ANKRD30A: variants seen among roughly 807,000 people sequenced by gnomAD.
The protein encoded by ANKRD30A is ankyrin repeat domain-containing protein 30A.
In ANKRD30A, 170 loss-of-function variants were observed where a neutral mutation model predicts 166.3. The ratio of observed to expected loss-of-function variants is 1.02; its 90% confidence interval spans 0.90 to 1.16. The LOEUF is 1.16. ANKRD30A is among the 50% of genes most tolerant of loss of function. The pLI is 0.00. For synonymous variants in ANKRD30A, 564 were observed against 508.9 expected, an observed-to-expected ratio of 1.11 and a Z score of -1.46; for missense variants, 1,630 against 1,518.0, an observed-to-expected ratio of 1.07 and a Z score of -1.23.
rs1478056468 is a variant in ANKRD30A at position 37,125,907 on chromosome 10, A to G, written c.120A>G (p.Arg40=). Residue 40 remains arginine, a synonymous_variant, in exon 1 of 36, where the codon AGA becomes AGG. Transcript: ENST00000361713. ...ACATCGTCCACTCTGGGGATCTTAG[A>G]AAGATCCATAAAGCTGCCTCCCGGG... is the stretch of plus-strand genomic sequence containing the variant. The part of the protein sequence containing the change: ...DSYIVHSGDL[R]KIHKAASRGQ... The G allele has an allele frequency of 1.9e-6, 3 of 1,587,050 alleles. No individual in the cohort carries two copies. The highest frequency in any genetic ancestry group is 2.6e-6 in the Non-Finnish European group (3 of 1,157,396).
chr10:37,211,835 G>A (rs1222020409), intron 31 of ANKRD30A, among the ~76,000 whole-genome samples: 1 of 152,176 alleles, frequency 6.6e-6, no homozygotes, highest in East Asian at 1.9e-4. Flanking sequence ...TCTAACTGGT[G>A]TGAGATGGTA....
intron 30 of ANKRD30A, among the ~76,000 whole-genome samples, chr10:37,200,587 G>T (rs80093422): frequency 0.044 from 6,619 of 152,074 alleles, 198 homozygotes; most frequent in Non-Finnish European, 0.07. Context: ...TGGACAAAAA[G>T]ACTTTAATAC....
intron 34 of ANKRD30A, among the ~76,000 whole-genome samples, chr10:37,223,332 A>AC (rs1191590592): frequency 4.0e-5 from 6 of 150,926 alleles, no homozygotes; most frequent in Admixed American, 6.6e-5. Context: ...AGAAAAAAAA[A>AC]CTATAAAAGA....
At chr10:37,142,797 C>T (rs1406238898) in intron 7 of ANKRD30A, among the ~76,000 whole-genome samples, 1 of 151,848 alleles carries the variant, frequency 6.6e-6, no homozygotes, top group African/African-American at 2.4e-5. Context: ...ACTATATTGA[C>T]CAGACTCAAA....
intron 31 of ANKRD30A, among the ~76,000 whole-genome samples, chr10:37,208,884 G>A (rs985746282): frequency 3.9e-5 from 6 of 152,224 alleles, no homozygotes; most frequent in Non-Finnish European, 5.9e-5. Flanking sequence ...ATCAGCACAC[G>A]ACTTTATTCC....
intron 32 of ANKRD30A, 81 bp from the exon 33 acceptor site, chr10:37,217,614 C>A: frequency 2.6e-6 from 3 of 1,173,410 alleles, no homozygotes; most frequent in Non-Finnish European, 2.3e-6. Flanking sequence ...GACTAATAAC[C>A]CAATATAGGA....
intron 34 of ANKRD30A, among the ~76,000 whole-genome samples, chr10:37,221,800 C>T (rs2132750016): frequency 6.6e-6 from 1 of 151,284 alleles, no homozygotes; most frequent in South Asian, 2.1e-4. Flanking sequence ...CGAGGCAAGC[C>T]ATATTTAATC....
chr10:37,225,326 C>T (rs1010176589), intron 34 of ANKRD30A, among the ~76,000 whole-genome samples: 1 of 151,526 alleles, frequency 6.6e-6, no homozygotes, highest in Non-Finnish European at 1.5e-5. Context: ...TAGGTTAGAA[C>T]ATGTTTGTTT....
rs1259694621 is a variant in ANKRD30A at position 37,160,800 on chromosome 10, A to G, written c.1901-1849A>G. ...CTCATTTCTCATATAAATTGTGAAA[A>G]TTCTCCACGGCTTCACATGCTAGTT... On this transcript the variant is annotated intron_variant, in intron 15 of 35. Coordinates refer to ENST00000361713, the MANE Select transcript of ANKRD30A (RefSeq NM_052997.3). Among the ~76,000 whole-genome samples, 9 of 152,268 alleles carry G rather than the reference A, an allele frequency of 5.9e-5. No homozygotes were observed. The East Asian group carries it at 1.2e-3, about 20-fold the overall frequency.
chr10:37,138,010 G>A (rs1836838097), intron 6 of ANKRD30A, among the ~76,000 whole-genome samples: 1 of 152,108 alleles, frequency 6.6e-6, no homozygotes, highest in African/African-American at 2.4e-5. Context: ...CACACGCCCG[G>A]GTACTCCTCT....
chr10:37,221,649 T>A (rs1485789792), intron 34 of ANKRD30A, among the ~76,000 whole-genome samples: 2 of 151,370 alleles, frequency 1.3e-5, no homozygotes, highest in Non-Finnish European at 3.0e-5. Flanking sequence ...GCTGTCATTC[T>A]GTAATGTTTT....
the ANKRD30A span, among the ~76,000 whole-genome samples, chr10:37,244,505 C>A: frequency 7.2e-5 from 11 of 152,336 alleles, no homozygotes; most frequent in African/African-American, 2.4e-4. Flanking sequence ...TGGCATTATT[C>A]AAGGACCTGC....
intron 11 of ANKRD30A, among the ~76,000 whole-genome samples, chr10:37,151,261 T>G (rs1303036558): frequency 6.6e-6 from 1 of 152,146 alleles, no homozygotes; most frequent in Non-Finnish European, 1.5e-5. Context: ...TTGGTATAAA[T>G]TCATTTTCTG....
chr10:37,151,685 A>G lies in ANKRD30A; in HGVS notation c.1646-375A>G, dbSNP rs181961697. 1.1e-4 allele frequency among the ~76,000 whole-genome samples: 17 copies of G among 152,236 alleles called. No homozygotes were observed. The East Asian group carries it at 2.7e-3, about 24-fold the overall frequency. On this transcript the variant is annotated intron_variant, in intron 11 of 35. Transcript: ENST00000361713. Reference sequence around the variant, plus strand: ...GATTGCTGAGTCAATCAAACTAAGTAATACTACCAAATATAAATTTACAAA... The same window carrying G: ...GATTGCTGAGTCAATCAAACTAAGTGATACTACCAAATATAAATTTACAAA...
intron 5 of ANKRD30A, among the ~76,000 whole-genome samples, chr10:37,135,895 G>A (rs1379136486): frequency 6.6e-6 from 1 of 152,144 alleles, no homozygotes; most frequent in African/African-American, 2.4e-5. Context: ...ACCAAAAGTA[G>A]GAATTAATAA....
At chr10:37,165,325 T>A (rs1839232305) in intron 18 of ANKRD30A, among the ~76,000 whole-genome samples, 170 bp downstream of exon 18, 1 of 152,226 alleles carries the variant, frequency 6.6e-6, no homozygotes, top group Non-Finnish European at 1.5e-5. Flanking sequence ...AGATTCCTGC[T>A]TCACAGTGAA....
intron 13 of ANKRD30A, 34 bp downstream of exon 13, chr10:37,153,696 C>T (rs1838138611): frequency 2.5e-6 from 4 of 1,607,570 alleles, no homozygotes; most frequent in Non-Finnish European, 3.4e-6. Context: ...AATCAGTTGA[C>T]CGAATATTTC....
intron 31 of ANKRD30A, among the ~76,000 whole-genome samples, chr10:37,213,225 T>C (rs1196326510): frequency 6.6e-6 from 1 of 151,908 alleles, no homozygotes; most frequent in Non-Finnish European, 1.5e-5. Context: ...TTGTGGAAGC[T>C]GCACAGTTCA....
At chr10:37,153,494 A>G (rs1838118650) in intron 12 of ANKRD30A, 78 bp from the exon 13 acceptor site, 1 of 1,578,034 alleles carries the variant, frequency 6.3e-7, no homozygotes. Flanking sequence ...TTAAAAAAGA[A>G]TTTAATTAGG....
Sources: gnomAD v4.1 joint callset for allele counts (sites outside exome capture counted in the v4.1 genomes callset) on GRCh38, gnomAD v4.1.1 for gene constraint, MANE v1.5 for transcripts, NCBI Gene and HGNC (gene_info 2026-07-23, HGNC 2026-07-21) for gene names.